The following WNK3 variants were observed in gnomAD, a reference collection of about 807,000 sequenced individuals.
WNK3 encodes the protein serine/threonine-protein kinase WNK3.
WNK3 carries 18 observed loss-of-function variants against 116.7 expected under a neutral mutation model. The observed-to-expected ratio is 0.15, with a 90% confidence interval of 0.11 to 0.23. WNK3 has a LOEUF of 0.23. Ranked by LOEUF, WNK3 falls within the 10% of genes least tolerant of loss-of-function variation. The pLI is 1.00. For synonymous variants in WNK3, 404 were observed against 469.4 expected, an observed-to-expected ratio of 0.86 and a Z score of 1.80; for missense variants, 993 against 1,323.8, an observed-to-expected ratio of 0.75 and a Z score of 3.88.
intron 10 of WNK3, among the ~76,000 whole-genome samples, chrX:54,286,468 A>C (rs1181875442): frequency 9.0e-6 from 1 of 111,691 alleles, no homozygotes; most frequent in Admixed American, 9.7e-5. Flanking sequence ...TTATCACTAG[A>C]AAATAACTCA....
intron 3 of WNK3, among the ~76,000 whole-genome samples, chrX:54,310,725 A>G (rs1347591409): frequency 2.7e-5 from 3 of 109,822 alleles, no homozygotes; most frequent in African/African-American, 9.9e-5. Flanking sequence ...CTAGATTCGA[A>G]TCTACAAATT....
intron 12 of WNK3, 46 bp downstream of exon 12, chrX:54,255,694 C>T (rs782802781): frequency 3.5e-6 from 4 of 1,154,918 alleles, no homozygotes; most frequent in Non-Finnish European, 3.5e-6. Flanking sequence ...TCTGACCCTC[C>T]AGACCTCTAT....
intron 21 of WNK3, among the ~76,000 whole-genome samples, chrX:54,228,977 C>A (rs2067872151): frequency 9.0e-6 from 1 of 110,964 alleles, no homozygotes; most frequent in African/African-American, 3.3e-5. Context: ...AAATAAAAGG[C>A]ATAAAGATTA....
intron 17 of WNK3, among the ~76,000 whole-genome samples, chrX:54,240,336 C>T (rs1357471048): frequency 1.8e-5 from 2 of 109,136 alleles, no homozygotes; most frequent in African/African-American, 6.6e-5. Context: ...CAAACACAAA[C>T]TTATGGCAGG....
intron 17 of WNK3, among the ~76,000 whole-genome samples, chrX:54,248,423 T>C (rs927808678): frequency 2.7e-5 from 3 of 110,682 alleles, no homozygotes; most frequent in African/African-American, 9.9e-5. Flanking sequence ...AATCCATGAG[T>C]CAGTTTTCAT....
intron 6 of WNK3, among the ~76,000 whole-genome samples, chrX:54,301,242 C>CAAAAAAAAAAAAAAAAAAAAATAAA (rs782232400): frequency 2.9e-5 from 1 of 35,013 alleles, no homozygotes; most frequent in Non-Finnish European, 5.7e-5. Flanking sequence ...GACTCTGTCT[C>CAAAAAAAAAAAAAAAAAAAAATAAA]AAAAAAAAAA....
At chrX:54,330,041 A>G (rs1174050361) in intron 2 of WNK3, among the ~76,000 whole-genome samples, 1 of 111,383 alleles carries the variant, frequency 9.0e-6, no homozygotes, top group Non-Finnish European at 1.9e-5. Context: ...GAAGTGTGAG[A>G]CCAGCTTGGG....
chrX:54,279,544 A>G (rs1052949440), intron 10 of WNK3, among the ~76,000 whole-genome samples: 26 of 111,527 alleles, frequency 2.3e-4, no homozygotes, highest in African/African-American at 8.5e-4. Flanking sequence ...TGCCTGGGCT[A>G]CAGAAGGACA....
At chrX:54,268,889 G>A (rs2068347853) in intron 10 of WNK3, among the ~76,000 whole-genome samples, 1 of 111,063 alleles carries the variant, frequency 9.0e-6, no homozygotes, top group African/African-American at 3.3e-5. Context: ...TAAGTGAAAG[G>A]GATATTTACA....
At chrX:54,309,969 T>A (rs2068868045) in intron 3 of WNK3, among the ~76,000 whole-genome samples, 1 of 111,072 alleles carries the variant, frequency 9.0e-6, no homozygotes, top group Non-Finnish European at 1.9e-5. Context: ...TTAAACTATG[T>A]AAAATTTTAG....
intron 5 of WNK3, among the ~76,000 whole-genome samples, chrX:54,307,574 C>T (rs1262813789): frequency 9.0e-6 from 1 of 111,598 alleles, no homozygotes; most frequent in African/African-American, 3.3e-5. Context: ...TTTGAATGCC[C>T]TTTCATAAAA....
chrX:54,232,559 G>T (rs1557149225), intron 21 of WNK3, among the ~76,000 whole-genome samples: 1 of 111,863 alleles, frequency 8.9e-6, no homozygotes, highest in Non-Finnish European at 1.9e-5. Context: ...ATTGGCATTG[G>T]GCTTCCAGCT....
At chrX:54,208,864 T>A (rs1436295497) in intron 22 of WNK3, among the ~76,000 whole-genome samples, 1 of 111,577 alleles carries the variant, frequency 9.0e-6, no homozygotes, top group Non-Finnish European at 1.9e-5. Flanking sequence ...CAGACTTCCA[T>A]ATGTTCTCTC....
chrX:54,354,476 A>G (rs1362053672), intron 1 of WNK3, among the ~76,000 whole-genome samples: 2 of 110,697 alleles, frequency 1.8e-5, no homozygotes, highest in Non-Finnish European at 3.8e-5. Flanking sequence ...TCCCCACGAA[A>G]ACATACACAA....
At chrX:54,216,547 G>A (rs981147115) in intron 22 of WNK3, among the ~76,000 whole-genome samples, 1 of 110,759 alleles carries the variant, frequency 9.0e-6, no homozygotes, top group Non-Finnish European at 1.9e-5. Flanking sequence ...AATTCTGGGA[G>A]AACTAGATGA....
chrX:54,249,756 C>T (rs1557153726), intron 16 of WNK3, 122 bp from the exon 17 acceptor site: 5 of 752,636 alleles, frequency 6.6e-6, no homozygotes, highest in African/African-American at 2.2e-5. Context: ...AAAGTACTCT[C>T]GTAAATAAGA....
At chrX:54,333,003 C>T in intron 2 of WNK3, 134 bp downstream of exon 2, 1 of 450,474 alleles carries the variant, frequency 2.2e-6, no homozygotes, top group Non-Finnish European at 3.7e-6. Flanking sequence ...AGGAAAGGAC[C>T]ATAATTTCTA....
At chrX:54,358,841 C>G (rs1396913578), upstream of WNK3, among the ~76,000 whole-genome samples, 1 of 113,140 alleles carries the variant, frequency 8.8e-6, no homozygotes, top group Non-Finnish European at 1.9e-5. Flanking sequence ...CTCAGTTTTA[C>G]TTAGGCCTCT....
chrX:54,304,980 A>AAT (rs1243043733), intron 5 of WNK3, among the ~76,000 whole-genome samples: 11 of 107,175 alleles, frequency 1.0e-4, no homozygotes, highest in East Asian at 2.9e-4. Context: ...TTATTAAAAA[A>AAT]ATATATATAT....
Sources: gnomAD v4.1 joint callset for allele counts (sites outside exome capture counted in the v4.1 genomes callset) on GRCh38, gnomAD v4.1.1 for gene constraint, MANE v1.5 for transcripts, NCBI Gene and HGNC (gene_info 2026-07-23, HGNC 2026-07-21) for gene names.